Variants in SV2C observed in about 807,000 individuals in gnomAD.
SV2C encodes solute carrier family 22 member B3.
SV2C carries 49 observed loss-of-function variants against 79.7 expected under a neutral mutation model. The ratio of observed to expected loss-of-function variants is 0.61; its 90% CI spans 0.49 to 0.78. The LOEUF is 0.78. Among genes scored for constraint, SV2C ranks in the 30% least tolerant of loss-of-function variants. The pLI is 0.00. For synonymous variants in SV2C, 334 were observed against 333.2 expected (o/e 1.00, Z -0.03); for missense variants, 833 against 912.9 (o/e 0.91, Z 1.13).
At chr5:76,248,214 G>A (rs1297076470) in intron 4 of SV2C, among the ~76,000 whole-genome samples, 1 of 152,208 alleles carries the variant, frequency 6.6e-6, no homozygotes, top group Non-Finnish European at 1.5e-5. Context: ...TGCTAGGGCT[G>A]CCATAACAAA....
At chr5:76,219,545 A>G (rs1410994992) in intron 4 of SV2C, among the ~76,000 whole-genome samples, 2 of 152,186 alleles carry the variant, frequency 1.3e-5, no homozygotes, top group South Asian at 4.1e-4. Context: ...AAGTGTTTGG[A>G]AAGTCTCACG....
chr5:76,155,070 A>T (rs571611787), intron 2 of SV2C, among the ~76,000 whole-genome samples: 177 of 152,366 alleles, frequency 1.2e-3, no homozygotes, highest in Middle Eastern at 3.4e-3. Flanking sequence ...TCTCACACTC[A>T]GTAAATTAGG....
chr5:75,971,487 C>G, the SV2C span, among the ~76,000 whole-genome samples: 1 of 152,058 alleles, frequency 6.6e-6, no homozygotes, highest in Admixed American at 6.6e-5. Flanking sequence ...TCTCAGGATA[C>G]AAAATCAATG....
chr5:75,927,810 C>T, the SV2C span, among the ~76,000 whole-genome samples: 1 of 152,034 alleles, frequency 6.6e-6, no homozygotes, highest in African/African-American at 2.4e-5. Context: ...GAAATGTGTG[C>T]AATTTTTGGT....
At chr5:76,150,812 A>AT (rs1749583376) in intron 2 of SV2C, among the ~76,000 whole-genome samples, 1 of 150,162 alleles carries the variant, frequency 6.7e-6, no homozygotes, top group Admixed American at 6.6e-5. Flanking sequence ...TAATTTTTTT[A>AT]TTTTTTTGTG....
At chr5:76,186,312 A>C (rs1479649658) in intron 2 of SV2C, among the ~76,000 whole-genome samples, 1 of 152,206 alleles carries the variant, frequency 6.6e-6, no homozygotes, top group African/African-American at 2.4e-5. Context: ...TCTTTAGAGC[A>C]GTGCTTCACT....
At chr5:76,098,054 T>C (rs1747624181) in intron 1 of SV2C, among the ~76,000 whole-genome samples, 1 of 152,062 alleles carries the variant, frequency 6.6e-6, no homozygotes, top group South Asian at 2.1e-4. Flanking sequence ...TAGTAATGAG[T>C]AGGAACAGGG....
the SV2C span, among the ~76,000 whole-genome samples, chr5:75,943,830 G>A: frequency 3.9e-5 from 6 of 152,038 alleles, no homozygotes; most frequent in East Asian, 3.9e-4. Flanking sequence ...TGCTTTCTCC[G>A]TCCCTCTCCT....
At chr5:76,122,191 G>A (rs1331117486) in intron 1 of SV2C, among the ~76,000 whole-genome samples, 1 of 151,206 alleles carries the variant, frequency 6.6e-6, no homozygotes, top group African/African-American at 2.5e-5. Context: ...TGGTGTATAA[G>A]AATGCTTGTA....
At chr5:75,864,067 A>G in the SV2C span, among the ~76,000 whole-genome samples, 1 of 152,170 alleles carries the variant, frequency 6.6e-6, no homozygotes, top group South Asian at 2.1e-4. Flanking sequence ...CATCATGGTT[A>G]TAGTTTCTTG....
intron 11 of SV2C, 59 bp downstream of exon 11, chr5:76,300,991 G>A: frequency 1.3e-6 from 2 of 1,575,502 alleles, no homozygotes; most frequent in Admixed American, 1.7e-5. Context: ...GAGGGACCCT[G>A]TTTCCCCCTG....
At chr5:76,182,820 G>A (rs1016581305) in intron 2 of SV2C, among the ~76,000 whole-genome samples, 6 of 152,078 alleles carry the variant, frequency 3.9e-5, no homozygotes, top group African/African-American at 1.2e-4. Flanking sequence ...AAGCAGAGCG[G>A]CATCTGTTTC....
intron 1 of SV2C, among the ~76,000 whole-genome samples, chr5:76,103,071 G>A (rs1347560831): frequency 6.6e-6 from 1 of 152,054 alleles, no homozygotes; most frequent in African/African-American, 2.4e-5. Context: ...CAGTCCATAA[G>A]ACCATACAGG....
the SV2C span, among the ~76,000 whole-genome samples, chr5:75,943,793 G>A: frequency 7.2e-5 from 11 of 152,136 alleles, no homozygotes; most frequent in East Asian, 1.9e-4. Context: ...ACTTGGAGGT[G>A]CCAGGACTCT....
chr5:75,936,329 AC>A, the SV2C span, among the ~76,000 whole-genome samples: 1 of 152,188 alleles, frequency 6.6e-6, no homozygotes, highest in Non-Finnish European at 1.5e-5. Flanking sequence ...CTATGTCTCT[AC>A]AGGTTCACTA....
chr5:76,237,654 A>G (rs577243159), intron 4 of SV2C, among the ~76,000 whole-genome samples: 47 of 152,284 alleles, frequency 3.1e-4, no homozygotes, highest in South Asian at 1.9e-3. Context: ...TGCATAACTG[A>G]CAGTGTCTTT....
intron 12 of SV2C, among the ~76,000 whole-genome samples, chr5:76,319,628 G>T (rs7733948): frequency 6.6e-6 from 1 of 152,126 alleles, no homozygotes; most frequent in East Asian, 1.9e-4. Context: ...AGAAGGATTT[G>T]ATCGTCTTTT....
chr5:76,276,112 G>GT (rs1380022531), intron 4 of SV2C, among the ~76,000 whole-genome samples: 1 of 152,140 alleles, frequency 6.6e-6, no homozygotes, highest in Non-Finnish European at 1.5e-5. Flanking sequence ...TGATTTTGTA[G>GT]TGTAGGCTTT....
the SV2C span, among the ~76,000 whole-genome samples, chr5:76,026,201 A>ACACACACACACACAC: frequency 7.1e-6 from 1 of 140,034 alleles, no homozygotes; most frequent in Non-Finnish European, 1.5e-5. Context: ...CAAATTTACA[A>ACACACACACACACAC]ACACACACAC....
Sources: gnomAD v4.1 joint callset for allele counts (sites outside exome capture counted in the v4.1 genomes callset) on GRCh38, gnomAD v4.1.1 for gene constraint, MANE v1.5 for transcripts, NCBI Gene and HGNC (gene_info 2026-07-23, HGNC 2026-07-21) for gene names.